Variants in ZNF710 observed in about 807,000 individuals in gnomAD.
ZNF710 encodes the protein zinc finger protein 710.
Under a neutral mutation model 50.6 loss-of-function variants are expected in ZNF710, and 13 were observed. That is an observed-to-expected ratio of 0.26 (90% confidence interval 0.17 to 0.41). ZNF710 has a LOEUF of 0.41. Among genes scored for constraint, ZNF710 ranks in the 10% least tolerant of loss-of-function variants. The pLI, the probability that ZNF710 is intolerant of heterozygous loss-of-function variation, is 1.00. For synonymous variants in ZNF710, 383 were observed against 397.0 expected, an observed-to-expected ratio of 0.96 and a Z score of 0.42; for missense variants, 721 against 936.6, an observed-to-expected ratio of 0.77 and a Z score of 3.01.
At chr15:90,053,241 T>G (rs970972628) in intron 1 of ZNF710, among the ~76,000 whole-genome samples, 1 of 152,146 alleles carries the variant, frequency 6.6e-6, no homozygotes, top group African/African-American at 2.4e-5. Context: ...GCTGGGTGCC[T>G]CAGCCTGGGG....
Position 90,068,360 on chromosome 15 carries a change from T to A in ZNF710, c.1223T>A (p.Val408Asp), listed in dbSNP as rs1408829600. The A allele has an allele frequency of 6.2e-7, 1 of 1,612,674 alleles. No homozygotes were observed. The highest frequency in any genetic ancestry group is 1.7e-5 in the Admixed American group (1 of 60,014). ...EVKHESGRCH[V>D]CVECGLDFST... ...AAGCATGAGAGTGGCCGCTGCCATG[T>A]CTGCGTCGAGTGCGGCCTGGACTTC... The change falls in exon 2 of 5, where the codon GTC (valine) becomes GAC (aspartate). Residue 408 changes from valine (V) to aspartate (D), a missense_variant. By Grantham distance (152) the Val-to-Asp change is radical. Transcript: ENST00000268154. The surrounding 1 kb of genome is among the most constrained non-coding windows in gnomAD (Gnocchi z 5.0).
intron 1 of ZNF710, among the ~76,000 whole-genome samples, chr15:90,063,343 G>A (rs900466403): frequency 3.3e-5 from 5 of 152,164 alleles, no homozygotes; most frequent in Non-Finnish European, 5.9e-5. Context: ...TTCCTGGGGC[G>A]TGAGGTGGGG....
intron 1 of ZNF710, among the ~76,000 whole-genome samples, chr15:90,010,219 A>G (rs1898261297): frequency 6.6e-6 from 1 of 152,010 alleles, no homozygotes; most frequent in Non-Finnish European, 1.5e-5. Context: ...TTTGTTTTTA[A>G]TCTAGTCTGA....
chr15:90,076,301 G>A (rs1254634315), intron 4 of ZNF710: 1 of 152,244 alleles, frequency 6.6e-6, no homozygotes, highest in Non-Finnish European at 1.5e-5. Context: ...CACTTTGGGT[G>A]AGTCCATGTG....
chr15:90,007,308 C>T (rs2151458955), intron 1 of ZNF710, among the ~76,000 whole-genome samples: 1 of 152,216 alleles, frequency 6.6e-6, no homozygotes, highest in Non-Finnish European at 1.5e-5. Context: ...TGCATGGGAA[C>T]ATAATACTTT....
intron 1 of ZNF710, among the ~76,000 whole-genome samples, chr15:90,002,019 CGCGGCGGCG>C (rs755847079): frequency 1.8e-4 from 26 of 146,790 alleles, no homozygotes; most frequent in African/African-American, 4.3e-4. Flanking sequence ...AGGAAAGCGT[CGCGGCGGCG>C]GCGGCGGCGG....
chr15:90,077,208 G>C (rs1027583182), intron 4 of ZNF710, among the ~76,000 whole-genome samples: 1 of 148,944 alleles, frequency 6.7e-6, no homozygotes, highest in Non-Finnish European at 1.5e-5. Context: ...ACGGTGTACA[G>C]AGATCCACAA....
Position 90,073,985 on chromosome 15 carries a change from G to A in ZNF710, c.1651-131G>A, listed in dbSNP as rs1212986276. On this transcript the variant is annotated intron_variant, in intron 3 of 4. Coordinates refer to ENST00000268154, the MANE Select transcript of ZNF710 (RefSeq NM_198526.4). ...AGCCTGGACAACAGAGTGAGAGTCT[G>A]TCTCAAAAAAAAAACAAAAAAAAAA... The A allele has an allele frequency of 2.9e-5, 25 of 874,096 alleles. No homozygotes were observed. The East Asian group carries it at 6.5e-4, about 23-fold the overall frequency. The allele number at this position is 874,096 out of a possible 1,614,324, so 54.1% of individuals were successfully genotyped here. A position where few individuals can be genotyped will look rare whatever the true frequency, so the allele number is the denominator to read the frequency against.
chr15:90,011,129 C>T (rs1898290906), intron 1 of ZNF710, among the ~76,000 whole-genome samples: 1 of 152,004 alleles, frequency 6.6e-6, no homozygotes, highest in African/African-American at 2.4e-5. Context: ...GGGGTTTCAC[C>T]ATGTTGCCCA....
Position 90,067,076 on chromosome 15 carries a change from C to A in ZNF710, c.-28-34C>A. ...TGTTGTCTGTCTGTGCAGGAGTGAG[C>A]CAGCAATATTAACCTTCCCTTCTCC... On this transcript the variant is annotated intron_variant, in intron 1 of 4. Transcript: ENST00000268154. The surrounding 1 kb of genome is among the most constrained non-coding windows in gnomAD (Gnocchi z 8.1). The A allele has an allele frequency of 1.3e-6, 2 of 1,530,408 alleles. No individual in the cohort carries two copies. Among genetic ancestry groups the A allele is most frequent in the South Asian group, 1.3e-5 (1 of 78,420 alleles). 94.8% of individuals were successfully genotyped at this position (1,530,408 alleles called of 1,614,324 possible).
intron 1 of ZNF710, among the ~76,000 whole-genome samples, chr15:90,060,070 G>A (rs974036799): frequency 1.3e-5 from 2 of 150,352 alleles, no homozygotes; most frequent in Admixed American, 6.6e-5. Flanking sequence ...CTGCCTCCAC[G>A]GAAGCCAGTC....
intron 1 of ZNF710, among the ~76,000 whole-genome samples, chr15:90,042,944 G>A (rs1021532228): frequency 3.4e-4 from 52 of 152,330 alleles, no homozygotes; most frequent in African/African-American, 1.3e-3. Flanking sequence ...GCCCTCCCTC[G>A]TGAGTGACAT....
chr15:90,068,707 T>G lies in ZNF710; in HGVS notation c.1458+112T>G, dbSNP rs1001654258. On this transcript the variant is annotated intron_variant, in intron 2 of 4. Transcript: ENST00000268154. This position sits in a 1 kb window ranked among gnomAD's most constrained non-coding sequence, Gnocchi z 5.0. ...TTTAGGTGGTCTCCTAGTTTTATCG[T>G]TACGTACTTATTTTGATGAGTATTA... 4 of 1,205,282 alleles carry G rather than the reference T, an allele frequency of 3.3e-6. No homozygotes were observed. The African/African-American group carries it at 6.1e-5, about 18-fold the overall frequency. 74.7% of individuals were successfully genotyped at this position (1,205,282 alleles called of 1,614,324 possible).
chr15:90,039,235 T>C lies in ZNF710; in HGVS notation c.-28-27875T>C, dbSNP rs190446952. 1.3e-3 allele frequency among the ~76,000 whole-genome samples: 201 copies of C among 151,254 alleles called. 2 individuals carry two copies. The East Asian group carries it at 0.014, about 11-fold the overall frequency. On this transcript the variant is annotated intron_variant, in intron 1 of 4. Transcript: ENST00000268154. The stretch of plus-strand genomic sequence containing the variant: ...TGGAGGTTGCAGTGAGCTGAGATTG[T>C]GCCACTGCACTCCAGCCTGGATGGC...
chr15:90,050,425 C>T lies in ZNF710; in HGVS notation c.-28-16685C>T, dbSNP rs183087776. On this transcript the variant is annotated intron_variant, in intron 1 of 4. Transcript: ENST00000268154. ...CCCTTCCCTTCTCCGTCCCATGCTT[C>T]CAGCCTGGGCAGGCCCTCCTCTCTG... Among the ~76,000 whole-genome samples, 81 of 152,340 alleles carry T rather than the reference C, an allele frequency of 5.3e-4. 1 individual carries two copies. The East Asian group carries it at 0.014, about 25-fold the overall frequency.
intron 1 of ZNF710, among the ~76,000 whole-genome samples, chr15:90,002,872 G>A (rs1254750999): frequency 1.3e-5 from 2 of 152,062 alleles, no homozygotes; most frequent in East Asian, 3.9e-4. Context: ...CAGTATCCGG[G>A]GTGCCTTTTC....
chr15:90,047,539 T>C (rs1305504830), intron 1 of ZNF710, among the ~76,000 whole-genome samples: 1 of 152,084 alleles, frequency 6.6e-6, no homozygotes, highest in East Asian at 1.9e-4. Flanking sequence ...CTGGCTCAAA[T>C]ATCACAGCAT....
intron 1 of ZNF710, among the ~76,000 whole-genome samples, chr15:90,037,095 T>C (rs1016866707): frequency 2.6e-5 from 4 of 152,060 alleles, no homozygotes; most frequent in African/African-American, 9.7e-5. Flanking sequence ...CTGGCTCAGC[T>C]TGGAGGACCT....
At chr15:90,054,765 A>G (rs1429167871) in intron 1 of ZNF710, among the ~76,000 whole-genome samples, 2 of 152,188 alleles carry the variant, frequency 1.3e-5, no homozygotes, top group South Asian at 2.1e-4. Context: ...TGGGTCCAGG[A>G]TAGTGTACTT....
Sources: gnomAD v4.1 joint callset for allele counts (sites outside exome capture counted in the v4.1 genomes callset) on GRCh38, gnomAD v4.1.1 for gene constraint, Gnocchi (gnomAD v3.1) non-coding constraint, MANE v1.5 for transcripts, NCBI Gene and HGNC (gene_info 2026-07-23, HGNC 2026-07-21) for gene names.